ZFHX4: variants seen among roughly 807,000 people sequenced by gnomAD.
The protein encoded by ZFHX4 is zinc finger homeobox protein 4.
In ZFHX4, 56 loss-of-function variants were observed where a neutral mutation model predicts 267.6. The observed-to-expected ratio is 0.21, with a 90% confidence interval of 0.17 to 0.26. The LOEUF (loss-of-function observed/expected upper bound fraction) is 0.26, where lower values mean the gene tolerates loss of function less well. Among genes scored for constraint, ZFHX4 ranks in the 10% least tolerant of loss-of-function variants. ZFHX4 has a pLI of 1.00. For synonymous variants in ZFHX4, 1,778 were observed against 1,665.6 expected (o/e 1.07, Z -1.64); for missense variants, 4,332 against 4,420.0 (o/e 0.98, Z 0.56).
At chr8:76,785,249 A>G (rs1164787496) in intron 4 of ZFHX4, among the ~76,000 whole-genome samples, 4 of 152,118 alleles carry the variant, frequency 2.6e-5, no homozygotes, top group African/African-American at 9.6e-5. Context: ...GCAGCAACAT[A>G]GTTGAAATCT....
chr8:76,855,480 C>G lies in ZFHX4; in HGVS notation c.8559C>G (p.Thr2853=). The change falls in exon 10 of 11, where the codon ACC becomes ACG. Residue 2853 remains threonine, a synonymous_variant. Coordinates refer to ENST00000651372, the MANE Select transcript of ZFHX4 (RefSeq NM_024721.5). ...KTLDTLPKPA[T]TPTTEVCDDK... ...TGGATACTCTGCCAAAACCTGCAAC[C>G]ACACCTACCACGGAGGTCTGCGATG... 6.2e-7 allele frequency: 1 copy of G among 1,613,782 alleles called. No homozygotes were observed. Among genetic ancestry groups the G allele is most frequent in the African/African-American group, 1.3e-5 (1 of 75,012 alleles).
At chr8:76,773,285 C>T (rs1810315880) in intron 3 of ZFHX4, among the ~76,000 whole-genome samples, 1 of 152,036 alleles carries the variant, frequency 6.6e-6, no homozygotes, top group South Asian at 2.1e-4. Context: ...CAGATATATT[C>T]ATAATACATT....
At position 76,802,214 on chromosome 8, in the gene ZFHX4, G is replaced by A. The variant is rs536696105; in HGVS notation, c.3325+23775G>A. On this transcript the variant is annotated intron_variant, in intron 4 of 10. Transcript: ENST00000651372. ...CTTCTTCAGGCAAGGCAGCCTTCAA[G>A]ATTATCCAGAACTGTCAATAGTAAT... is the stretch of plus-strand genomic sequence containing the variant. Among the ~76,000 whole-genome samples, 8 of 152,222 alleles carry A rather than the reference G, an allele frequency of 5.3e-5. No individual in the cohort carries two copies. In the South Asian group the frequency reaches 1.5e-3, roughly 28 times the overall value.
chr8:76,854,282 A>C lies in ZFHX4; in HGVS notation c.7361A>C (p.Lys2454Thr). 1.3e-6 allele frequency: 2 copies of C among 1,596,954 alleles called. No homozygotes were observed. Among genetic ancestry groups the C allele is most frequent in the Non-Finnish European group, 1.7e-6 (2 of 1,171,514 alleles). Residue 2454 changes from lysine to threonine, a missense_variant, in exon 10 of 11, where the codon AAA (lysine) becomes ACA (threonine). Around this residue, in one of 7 missense-constraint regions of ZFHX4, gnomAD observed 1,648 missense variants for 1,625.0 expected, o/e 1.01. Coordinates refer to ENST00000651372, the MANE Select transcript of ZFHX4 (RefSeq NM_024721.5). ...AQPQPQPQPP[K>T]QPQLIGRPPS... ...CCACAGCCACAGCCACAGCCACCAA[A>C]ACAACCCCAACTTATCGGAAGACCT...
In ZFHX4 at chr8:76,704,357, C is replaced by T; in HGVS notation, c.269C>T (p.Pro90Leu). The stretch of plus-strand genomic sequence containing the variant: ...TGCAACGAATGTGCCACTTCTTTTC[C>T]CAGTTTACAGAAATACATGGAACAC... ...IPCNECATSF[P>L]SLQKYMEHHC... The change falls in exon 2 of 11, where the codon CCC becomes CTC. Residue 90 changes from proline (P) to leucine (L), a missense_variant. Physicochemically the swap from Pro to Leu is moderately conservative, Grantham distance 98 (BLOSUM62 -3). Coordinates refer to ENST00000651372, the MANE Select transcript of ZFHX4 (RefSeq NM_024721.5). 2 of 1,613,956 alleles carry T rather than the reference C, an allele frequency of 1.2e-6. No individual in the cohort carries two copies. The highest frequency in any genetic ancestry group is 8.5e-7 in the Non-Finnish European group (1 of 1,179,884).
chr8:76,855,723 G>T lies in ZFHX4; in HGVS notation c.8802G>T (p.Thr2934=), dbSNP rs200128741. The change falls in exon 10 of 11, where the codon ACG becomes ACT. Residue 2934 remains threonine (T), a synonymous_variant. Coordinates refer to ENST00000651372, the MANE Select transcript of ZFHX4 (RefSeq NM_024721.5). Reference sequence around the variant, plus strand: ...GGCCGGGTCACAAGCGTTTTCGAACGCAAATGAGCAATCTTCAACTCAAGG... The same window carrying T: ...GGCCGGGTCACAAGCGTTTTCGAACTCAAATGAGCAATCTTCAACTCAAGG... The part of the protein sequence containing the change: ...NDRPGHKRFR[T]QMSNLQLKVL... The T allele has an allele frequency of 1.2e-6, 2 of 1,613,880 alleles. No individual in the cohort carries two copies. The highest frequency in any genetic ancestry group is 1.7e-6 in the Non-Finnish European group (2 of 1,179,858).
chr8:76,857,839 A>AT (rs5892569), intron 10 of ZFHX4, among the ~76,000 whole-genome samples: 3,170 of 142,580 alleles, frequency 0.022, 43 homozygotes, highest in African/African-American at 0.038. Context: ...GCAATGACAG[A>AT]TTTTTTTTTT....
At chr8:76,747,907 T>C (rs959267655) in intron 3 of ZFHX4, among the ~76,000 whole-genome samples, 3 of 151,968 alleles carry the variant, frequency 2.0e-5, no homozygotes, top group African/African-American at 7.3e-5. Flanking sequence ...ACTTCCAGCC[T>C]GGGCAACAGA....
intron 3 of ZFHX4, among the ~76,000 whole-genome samples, chr8:76,712,172 A>C (rs552977709): frequency 6.6e-6 from 1 of 152,180 alleles, no homozygotes; most frequent in Non-Finnish European, 1.5e-5. Context: ...AAAGGAACAC[A>C]CTTGGGATTT....
chr8:76,696,217 A>T (rs1807952152), intron 1 of ZFHX4, among the ~76,000 whole-genome samples: 1 of 152,170 alleles, frequency 6.6e-6, no homozygotes. Context: ...TGCTTATTTC[A>T]TGCTGGACAA....
chr8:76,831,769 G>A (rs1031301057), intron 4 of ZFHX4, among the ~76,000 whole-genome samples: 1 of 152,114 alleles, frequency 6.6e-6, no homozygotes, highest in Non-Finnish European at 1.5e-5. Flanking sequence ...TCTGAGGGAA[G>A]AATAGGAGGC....
chr8:76,748,387 ATCTTT>A (rs1231720420), intron 3 of ZFHX4, among the ~76,000 whole-genome samples: 2 of 152,214 alleles, frequency 1.3e-5, no homozygotes, highest in Non-Finnish European at 2.9e-5. Context: ...TGTATTTAAT[ATCTTT>A]TCTTAATTAT....
chr8:76,862,239 T>C (rs1013210128), intron 10 of ZFHX4, among the ~76,000 whole-genome samples: 5 of 152,228 alleles, frequency 3.3e-5, no homozygotes, highest in African/African-American at 1.2e-4. Context: ...CTAGGAGTTA[T>C]GCTGTACCCA....
Position 76,864,633 on chromosome 8 carries a change from A to C in ZFHX4, c.*68A>C. The C allele has an allele frequency of 1.6e-6, 2 of 1,227,462 alleles. No individual in the cohort carries two copies. The highest frequency in any genetic ancestry group is 3.0e-5 in the African/African-American group (2 of 65,584). The allele number at this position is 1,227,462 out of a possible 1,614,324, so 76.0% of individuals were successfully genotyped here. On this transcript the variant is annotated 3_prime_UTR_variant, in exon 11 of 11. Transcript: ENST00000651372. Reference sequence around the variant, plus strand: ...AAAATAAAAAAAAAATAAGACTTTAACTGCAGTTCCAAAGCTTCTCTAACC... The same window carrying C: ...AAAATAAAAAAAAAATAAGACTTTACCTGCAGTTCCAAAGCTTCTCTAACC...
At chr8:76,729,791 C>T (rs1808950309) in intron 3 of ZFHX4, among the ~76,000 whole-genome samples, 2 of 152,170 alleles carry the variant, frequency 1.3e-5, no homozygotes, top group Non-Finnish European at 1.5e-5. Context: ...GATTGAAAAG[C>T]TCCAGACCAG....
chr8:76,712,697 A>G (rs1808458225), intron 3 of ZFHX4, among the ~76,000 whole-genome samples: 1 of 152,222 alleles, frequency 6.6e-6, no homozygotes, highest in South Asian at 2.1e-4. Context: ...AGATGAAGAA[A>G]GCTGTTTTCA....
intron 10 of ZFHX4, among the ~76,000 whole-genome samples, chr8:76,861,355 G>A (rs924187369): frequency 6.6e-6 from 1 of 152,142 alleles, no homozygotes; most frequent in African/African-American, 2.4e-5. Context: ...ATCTGCCATT[G>A]AGTCATAACA....
intron 3 of ZFHX4, among the ~76,000 whole-genome samples, chr8:76,710,843 TA>T (rs1808404588): frequency 6.6e-6 from 1 of 152,172 alleles, no homozygotes; most frequent in Non-Finnish European, 1.5e-5. Flanking sequence ...GGTTAAAAGT[TA>T]AAGGTTAAGG....
In ZFHX4 at chr8:76,706,120, A is replaced by C; in HGVS notation, c.2032A>C (p.Lys678Gln). The C allele has an allele frequency of 1.2e-6, 2 of 1,613,630 alleles. No individual in the cohort carries two copies. Among genetic ancestry groups the C allele is most frequent in the Middle Eastern group, 1.7e-4 (1 of 6,052 alleles). The stretch of plus-strand genomic sequence containing the variant: ...GCCGGGTGGCTCTTGTGTTTATTGT[A>C]AGACTGGACAGCCTCACCCCAGGCT... ...PEPGGSCVYC[K>Q]TGQPHPRLAR... is the part of the protein sequence containing the mutation. The change falls in exon 2 of 11, where the codon AAG becomes CAG. Residue 678 changes from lysine to glutamine, a missense_variant. Around this residue, in one of 7 missense-constraint regions of ZFHX4, gnomAD observed 1,195 missense variants for 1,173.6 expected, o/e 1.02. Transcript: ENST00000651372.
Sources: gnomAD v4.1 joint callset for allele counts (sites outside exome capture counted in the v4.1 genomes callset) on GRCh38, gnomAD v4.1.1 for gene constraint, gnomAD v4.1.1 regional missense constraint, MANE v1.5 for transcripts, NCBI Gene and HGNC (gene_info 2026-07-23, HGNC 2026-07-21) for gene names.